Variants in TMEM19 observed in about 807,000 individuals in gnomAD.
TMEM19 encodes the protein transmembrane protein 19.
In TMEM19, 21 loss-of-function variants were observed where a neutral mutation model predicts 33.6. The ratio of observed to expected loss-of-function variants is 0.62; its 90% confidence interval spans 0.44 to 0.90. The LOEUF is 0.90. Ranked by LOEUF, TMEM19 falls within the 40% of genes least tolerant of loss-of-function variation. The pLI is 0.00. For synonymous variants in TMEM19, 149 were observed against 147.5 expected, an observed-to-expected ratio of 1.01 and a Z score of -0.07; for missense variants, 402 against 401.8, an observed-to-expected ratio of 1.00 and a Z score of 0.00.
chr12:71,696,622 T>G (rs780693681), intron 3 of TMEM19, 49 bp downstream of exon 3: 1 of 1,455,746 alleles, frequency 6.9e-7, no homozygotes, highest in Non-Finnish European at 9.2e-7. Flanking sequence ...CATTTAATCC[T>G]AACATAAGGT....
At position 71,686,266 on chromosome 12, in the gene TMEM19, C is replaced by T; in HGVS notation, c.-415C>T. On this transcript the variant is annotated 5_prime_UTR_variant, in exon 1 of 6. Transcript: ENST00000266673. ...TGCCCAAGTTCGGGTGCCCTAGCTGCCCCTTTGCAGCCGCTGGCCTACCCG... is the reference window on the plus strand; with the variant it reads ...TGCCCAAGTTCGGGTGCCCTAGCTGTCCCTTTGCAGCCGCTGGCCTACCCG... 1 of 229,672 alleles carries T rather than the reference C, an allele frequency of 4.4e-6. No individual in the cohort carries two copies. The highest frequency in any genetic ancestry group is 4.7e-5 in the South Asian group (1 of 21,222). 14.2% of individuals were successfully genotyped at this position (229,672 alleles called of 1,614,324 possible). A position where few individuals can be genotyped will look rare whatever the true frequency, so the allele number is the denominator to read the frequency against.
At chr12:71,689,528 T>C in intron 1 of TMEM19, 63 bp from the exon 2 acceptor site, 1 of 1,283,148 alleles carries the variant, frequency 7.8e-7, no homozygotes, top group Non-Finnish European at 1.1e-6. Flanking sequence ...AACGGAAGTT[T>C]ACTGCCAAAA....
Position 71,700,955 on chromosome 12 carries a change from T to G in TMEM19, c.971T>G (p.Leu324Trp). Residue 324 changes from leucine (L) to tryptophan (W), a missense_variant, in exon 6 of 6, where the codon TTG (leucine) becomes TGG (tryptophan). By Grantham distance (61) the Leu-to-Trp change is moderately conservative (BLOSUM62 -2). Transcript: ENST00000266673. ...NLFSSVLIAL[L>W]LPTAAWGFWP... ...TTTTCTTCTGTTCTTATTGCCCTCT[T>G]GCTCCCAACTGCTGCTTGGGGTTTT... 1 of 1,612,948 alleles carries G rather than the reference T, an allele frequency of 6.2e-7. No homozygotes were observed. Among genetic ancestry groups the G allele is most frequent in the Non-Finnish European group, 8.5e-7 (1 of 1,179,534 alleles).
intron 5 of TMEM19, chr12:71,699,866 G>T (rs1255404857): frequency 6.6e-6 from 1 of 152,198 alleles, no homozygotes; most frequent in African/African-American, 2.4e-5. Flanking sequence ...AAAGAAAAAA[G>T]ATATATGGTA....
At chr12:71,698,798 C>A in intron 4 of TMEM19, 102 bp from the exon 5 acceptor site, 1 of 1,004,378 alleles carries the variant, frequency 1.0e-6, no homozygotes, top group South Asian at 1.5e-5. Context: ...AAAGAGAATG[C>A]TTTCTTTAAA....
At chr12:71,698,612 AGAGAGAGAG>A in intron 4 of TMEM19, among the ~76,000 whole-genome samples, 1 of 1,776 alleles carries the variant, frequency 5.6e-4, no homozygotes, top group East Asian at 0.016. Context: ...CTGAAAAGAG[AGAGAGAGAG>A]AGAGAGAGAG....
Position 71,689,617 on chromosome 12 carries a change from C to T in TMEM19, c.157C>T (p.Arg53Cys), listed in dbSNP as rs774479268. Residue 53 changes from arginine to cysteine, a missense_variant, in exon 2 of 6, where the codon CGT becomes TGT. By Grantham distance (180) the Arg-to-Cys change is radical. Transcript: ENST00000266673. ...YGNLRPISPW[R>C]WLFSVVVPVL... ...TAACTTACGACCTATTTCTCCGTGG[C>T]GTTGGCTGTTTTCTGTTGTTGTTCC... 1.5e-5 allele frequency: 24 copies of T among 1,614,016 alleles called. No individual in the cohort carries two copies. The highest frequency in any genetic ancestry group is 2.2e-5 in the South Asian group (2 of 91,070).
chr12:71,689,647 C>G lies in TMEM19; in HGVS notation c.187C>G (p.Leu63Val), dbSNP rs191822365. 6.2e-7 allele frequency: 1 copy of G among 1,614,100 alleles called. No individual in the cohort carries two copies. The highest frequency in any genetic ancestry group is 8.5e-7 in the Non-Finnish European group (1 of 1,180,000). Residue 63 changes from leucine to valine, a missense_variant, in exon 2 of 6, where the codon CTG becomes GTG. Coordinates refer to ENST00000266673, the MANE Select transcript of TMEM19 (RefSeq NM_018279.4). ...GCTGTTTTCTGTTGTTGTTCCTGTT[C>G]TGATCGTCTCTAATGGCCTTAAAAA... ...RWLFSVVVPV[L>V]IVSNGLKKKS... is the part of the protein sequence containing the mutation.
At chr12:71,692,313 T>C (rs1231587260) in intron 2 of TMEM19, among the ~76,000 whole-genome samples, 1 of 152,244 alleles carries the variant, frequency 6.6e-6, no homozygotes, top group Non-Finnish European at 1.5e-5. Context: ...TGATTATTAT[T>C]ATTATCATCT....
At position 71,698,907 on chromosome 12, in the gene TMEM19, T is replaced by C. The variant is rs763913167; in HGVS notation, c.645T>C (p.Asn215=). Residue 215 remains asparagine (N), a synonymous_variant, in exon 5 of 6, where the codon AAT becomes AAC. Coordinates refer to ENST00000266673, the MANE Select transcript of TMEM19 (RefSeq NM_018279.4). ...TGCATGTTTCTTCTTCAGGTACCAA[T>C]GGAGGAGTTACAGTGGTGGGCCTTG... ...TTWEKVPVGT[N]GGVTVVGLVS... is the part of the protein sequence containing the mutation. 11 of 1,614,014 alleles carry C rather than the reference T, an allele frequency of 6.8e-6. No individual in the cohort carries two copies. Among genetic ancestry groups the C allele is most frequent in the Non-Finnish European group, 9.3e-6 (11 of 1,179,968 alleles).
In TMEM19 at chr12:71,701,117, T is replaced by C; in HGVS notation, c.*122T>C. ...AAATGCCAGTTCCTCCTGTATTCCATTGAGATGGGATTTCACATTTTCCTC... is the reference window on the plus strand; with the variant it reads ...AAATGCCAGTTCCTCCTGTATTCCACTGAGATGGGATTTCACATTTTCCTC... On this transcript the variant is annotated 3_prime_UTR_variant, in exon 6 of 6. Coordinates refer to ENST00000266673, the MANE Select transcript of TMEM19 (RefSeq NM_018279.4). 9.9e-7 allele frequency: 1 copy of C among 1,014,634 alleles called. No homozygotes were observed. Among genetic ancestry groups the C allele is most frequent in the Non-Finnish European group, 1.4e-6 (1 of 719,872 alleles). 62.9% of individuals were successfully genotyped at this position (1,014,634 alleles called of 1,614,324 possible).
rs1337146552 is a variant in TMEM19, at chr12:71,700,929, G to A, written c.945G>A (p.Leu315=). ...TTCTTGATAACAACGCAGTGAATCTGTTTTCTTCTGTTCTTATTGCCCTCT... is the reference window on the plus strand; with the variant it reads ...TTCTTGATAACAACGCAGTGAATCTATTTTCTTCTGTTCTTATTGCCCTCT... ...KPILDNNAVN[L]FSSVLIALLL... The change falls in exon 6 of 6, where the codon CTG becomes CTA. Residue 315 remains leucine (L), a synonymous_variant. Transcript: ENST00000266673. 1.2e-6 allele frequency: 2 copies of A among 1,613,736 alleles called. No individual in the cohort carries two copies. The highest frequency in any genetic ancestry group is 1.7e-5 in the Admixed American group (1 of 59,954).
Position 71,686,665 on chromosome 12 carries a change from C to T in TMEM19, c.-16C>T. 1.2e-6 allele frequency: 2 copies of T among 1,610,280 alleles called. No homozygotes were observed. The highest frequency in any genetic ancestry group is 1.1e-5 in the South Asian group (1 of 90,568). ...CTAAATATTCTTTCCCGCAGGAGCT[C>T]ATATCCTTATTTTCCATGACAGATC... is the stretch of plus-strand genomic sequence containing the variant. On this transcript the variant is annotated 5_prime_UTR_variant, in exon 1 of 6. Coordinates refer to ENST00000266673, the MANE Select transcript of TMEM19 (RefSeq NM_018279.4).
intron 2 of TMEM19, among the ~76,000 whole-genome samples, chr12:71,695,256 A>G (rs537825807): frequency 1.3e-5 from 2 of 152,342 alleles, no homozygotes; most frequent in African/African-American, 4.8e-5. Context: ...TGAAGCTGTC[A>G]CCAACATGAA....
rs1881750161 is a variant in TMEM19 at position 71,689,606 on chromosome 12, T to C, written c.146T>C (p.Ile49Thr). 1 of 1,614,162 alleles carries C rather than the reference T, an allele frequency of 6.2e-7. No homozygotes were observed. Among genetic ancestry groups the C allele is most frequent in the Non-Finnish European group, 8.5e-7 (1 of 1,180,010 alleles). Reference sequence around the variant, plus strand: ...AATTTTTCAGGTAACTTACGACCTATTTCTCCGTGGCGTTGGCTGTTTTCT... The same window carrying C: ...AATTTTTCAGGTAACTTACGACCTACTTCTCCGTGGCGTTGGCTGTTTTCT... ...ASTYYGNLRP[I>T]SPWRWLFSVV... The change falls in exon 2 of 6, where the codon ATT becomes ACT. Residue 49 changes from isoleucine (I) to threonine (T), a missense_variant. By Grantham distance (89) the Ile-to-Thr change is moderately conservative. Coordinates refer to ENST00000266673, the MANE Select transcript of TMEM19 (RefSeq NM_018279.4).
intron 1 of TMEM19, among the ~76,000 whole-genome samples, chr12:71,687,163 T>G (rs1450252484): frequency 6.6e-6 from 1 of 152,218 alleles, no homozygotes; most frequent in East Asian, 1.9e-4. Flanking sequence ...CTGGACTAGT[T>G]ACACCTATTT....
intron 1 of TMEM19, 124 bp downstream of exon 1, chr12:71,686,934 C>T (rs1246805468): frequency 2.2e-6 from 2 of 922,236 alleles, no homozygotes; most frequent in East Asian, 2.8e-5. Context: ...TACTTAACTT[C>T]CATAGCCTGA....
intron 3 of TMEM19, 41 bp from the exon 4 acceptor site, chr12:71,697,239 G>A (rs769433228): frequency 1.3e-5 from 20 of 1,551,836 alleles, no homozygotes; most frequent in Admixed American, 2.3e-5. Flanking sequence ...TTCTTCTAAG[G>A]AGGAATCATT....
Position 71,696,938 on chromosome 12 carries a change from C to T in TMEM19, c.383-342C>T, listed in dbSNP as rs1337622564. Among the ~76,000 whole-genome samples, 4 of 152,240 alleles carry T rather than the reference C, an allele frequency of 2.6e-5. No individual in the cohort carries two copies. In the South Asian group the frequency reaches 8.3e-4, roughly 32 times the overall value. On this transcript the variant is annotated intron_variant, in intron 3 of 5. Coordinates refer to ENST00000266673, the MANE Select transcript of TMEM19 (RefSeq NM_018279.4). ...CTGGGATTACAAGCGTGAGCCACTG[C>T]GCCCAGCCAACATAAGCTTTTAATC...
Sources: gnomAD v4.1 joint callset for allele counts (sites outside exome capture counted in the v4.1 genomes callset) on GRCh38, gnomAD v4.1.1 for gene constraint, MANE v1.5 for transcripts, NCBI Gene and HGNC (gene_info 2026-07-23, HGNC 2026-07-21) for gene names.